Variants in KIAA1328 observed in about 807,000 individuals in gnomAD.
KIAA1328 encodes protein hinderin.
A neutral mutation model predicts 68.1 loss-of-function variants in KIAA1328; 52 were observed. The ratio of observed to expected loss-of-function variants is 0.76; its 90% CI spans 0.61 to 0.96. The LOEUF (loss-of-function observed/expected upper bound fraction) is 0.96. KIAA1328 is among the 40% of genes least tolerant of loss of function. The pLI is 0.00. For synonymous variants in KIAA1328, 232 were observed against 239.4 expected (o/e 0.97, Z 0.28); for missense variants, 641 against 677.6 (o/e 0.95, Z 0.60).
intron 9 of KIAA1328, among the ~76,000 whole-genome samples, chr18:37,206,758 G>T: frequency 6.6e-6 from 1 of 151,968 alleles, no homozygotes; most frequent in East Asian, 1.9e-4. Flanking sequence ...CAATAAAGCT[G>T]GTGTCTTTTA....
intron 6 of KIAA1328, among the ~76,000 whole-genome samples, chr18:37,019,288 C>T (rs1009629265): frequency 7.9e-5 from 12 of 152,178 alleles, no homozygotes; most frequent in Non-Finnish European, 1.5e-4. Context: ...GTTCATCCTA[C>T]GAGCCCATAG....
chr18:36,899,040 A>G (rs1374109504), intron 5 of KIAA1328, among the ~76,000 whole-genome samples: 1 of 151,982 alleles, frequency 6.6e-6, no homozygotes, highest in Non-Finnish European at 1.5e-5. Flanking sequence ...AGTGATGAGA[A>G]GAGAACATCT....
chr18:37,202,698 A>T (rs947454502), intron 9 of KIAA1328, among the ~76,000 whole-genome samples: 1 of 152,214 alleles, frequency 6.6e-6, no homozygotes, highest in Non-Finnish European at 1.5e-5. Flanking sequence ...ATACCAAGAC[A>T]TATCAGAATT....
At chr18:36,926,821 A>G (rs1028329619) in intron 5 of KIAA1328, among the ~76,000 whole-genome samples, 1 of 152,206 alleles carries the variant, frequency 6.6e-6, no homozygotes, top group African/African-American at 2.4e-5. Context: ...TTTGCAAAGA[A>G]AAGACGTGTA....
At chr18:37,055,230 C>T (rs2055862479) in intron 6 of KIAA1328, among the ~76,000 whole-genome samples, 1 of 152,118 alleles carries the variant, frequency 6.6e-6, no homozygotes, top group East Asian at 1.9e-4. Flanking sequence ...TGTTAAATGA[C>T]AAGAGAGTTC....
At chr18:36,900,141 G>T (rs536725115) in intron 5 of KIAA1328, among the ~76,000 whole-genome samples, 2 of 151,956 alleles carry the variant, frequency 1.3e-5, no homozygotes, top group South Asian at 4.1e-4. Context: ...CCAAATATAT[G>T]TTAGTAAAAG....
At chr18:37,216,105 A>T (rs574274565) in intron 9 of KIAA1328, among the ~76,000 whole-genome samples, 1 of 151,980 alleles carries the variant, frequency 6.6e-6, no homozygotes, top group Non-Finnish European at 1.5e-5. Context: ...CAGCTCCTGG[A>T]TTCATTGATT....
At chr18:37,141,163 A>G (rs2058756220) in intron 7 of KIAA1328, among the ~76,000 whole-genome samples, 1 of 152,208 alleles carries the variant, frequency 6.6e-6, no homozygotes, top group Non-Finnish European at 1.5e-5. Context: ...ACAAAGGAAT[A>G]TACTTGTGTA....
intron 9 of KIAA1328, among the ~76,000 whole-genome samples, chr18:37,214,262 C>T (rs1203668067): frequency 4.6e-5 from 7 of 152,124 alleles, no homozygotes; most frequent in Non-Finnish European, 7.3e-5. Flanking sequence ...AGGTTTTCTT[C>T]TAGGGTTTTT....
At chr18:37,190,516 C>T (rs909713365) in intron 9 of KIAA1328, among the ~76,000 whole-genome samples, 4 of 152,088 alleles carry the variant, frequency 2.6e-5, no homozygotes, top group East Asian at 1.9e-4. Flanking sequence ...GGATGCTGCG[C>T]GAGTTTTCTG....
At chr18:36,937,423 A>G (rs942570613) in intron 5 of KIAA1328, among the ~76,000 whole-genome samples, 1 of 152,218 alleles carries the variant, frequency 6.6e-6, no homozygotes, top group Non-Finnish European at 1.5e-5. Flanking sequence ...TGAACAAGCA[A>G]CCTACAGAAT....
chr18:37,050,746 G>A (rs1333111227), intron 6 of KIAA1328, among the ~76,000 whole-genome samples: 1 of 152,162 alleles, frequency 6.6e-6, no homozygotes, highest in Non-Finnish European at 1.5e-5. Context: ...AAGTTATTCA[G>A]CATGTGAATC....
At chr18:36,851,579 A>G (rs2047213657) in intron 4 of KIAA1328, among the ~76,000 whole-genome samples, 1 of 152,048 alleles carries the variant, frequency 6.6e-6, no homozygotes, top group South Asian at 2.1e-4. Flanking sequence ...TAGGTTATCT[A>G]ATTTGTTGAC....
At chr18:36,969,823 C>T (rs573598025) in intron 6 of KIAA1328, among the ~76,000 whole-genome samples, 44 of 152,068 alleles carry the variant, frequency 2.9e-4, no homozygotes, top group African/African-American at 9.6e-4. Context: ...CTGGCAGAGA[C>T]ATAACAAAAA....
chr18:37,143,669 G>C (rs996726278), intron 7 of KIAA1328, among the ~76,000 whole-genome samples: 14 of 151,662 alleles, frequency 9.2e-5, no homozygotes, highest in African/African-American at 3.4e-4. Flanking sequence ...TTAAATACAA[G>C]TTTTTGGTAG....
chr18:36,941,778 G>C (rs2151187902), intron 5 of KIAA1328, among the ~76,000 whole-genome samples: 1 of 152,142 alleles, frequency 6.6e-6, no homozygotes, highest in East Asian at 1.9e-4. Flanking sequence ...TTTTACTACT[G>C]TATGGTCAGT....
chr18:37,116,125 A>G (rs1476465612), intron 7 of KIAA1328, among the ~76,000 whole-genome samples: 1 of 151,916 alleles, frequency 6.6e-6, no homozygotes, highest in Non-Finnish European at 1.5e-5. Context: ...CCATCAAGCT[A>G]CCAATAACTT....
intron 6 of KIAA1328, among the ~76,000 whole-genome samples, chr18:37,009,372 A>G (rs928142036): frequency 2.0e-5 from 3 of 152,186 alleles, no homozygotes; most frequent in Admixed American, 6.5e-5. Context: ...TAGAGCTTCT[A>G]GGAAATCGCC....
intron 6 of KIAA1328, among the ~76,000 whole-genome samples, chr18:37,057,708 T>A (rs2055973575): frequency 6.6e-6 from 1 of 152,084 alleles, no homozygotes; most frequent in African/African-American, 2.4e-5. Flanking sequence ...GTGCTGGGAT[T>A]ACAGGCATGA....
Sources: gnomAD v4.1 joint callset for allele counts (sites outside exome capture counted in the v4.1 genomes callset) on GRCh38, gnomAD v4.1.1 for gene constraint, MANE v1.5 for transcripts, NCBI Gene and HGNC (gene_info 2026-07-23, HGNC 2026-07-21) for gene names.